The following COL25A1 variants were observed in gnomAD, a reference collection of about 807,000 sequenced individuals.
COL25A1 encodes the protein collagen alpha-1(XXV) chain.
A neutral mutation model predicts 128.4 loss-of-function variants in COL25A1; 103 were observed. That is an observed-to-expected ratio of 0.80 (90% CI 0.68 to 0.94). The LOEUF (loss-of-function observed/expected upper bound fraction) is 0.94. COL25A1 is among the 40% of genes least tolerant of loss of function. COL25A1 has a pLI of 0.00. For synonymous variants in COL25A1, 279 were observed against 277.2 expected (o/e 1.01, Z -0.06); for missense variants, 745 against 840.0 (o/e 0.89, Z 1.40).
intron 3 of COL25A1, among the ~76,000 whole-genome samples, chr4:109,083,448 A>ATTTTTTTTTTTTT (rs60165291): frequency 1.0e-4 from 8 of 77,054 alleles, no homozygotes; most frequent in Non-Finnish European, 1.5e-4. Flanking sequence ...CACTAAATAA[A>ATTTTTTTTTTTTT]TTTTTTTTTT....
chr4:108,980,475 A>G (rs953919388), intron 6 of COL25A1, among the ~76,000 whole-genome samples: 1 of 152,250 alleles, frequency 6.6e-6, no homozygotes, highest in African/African-American at 2.4e-5. Context: ...TGAACACAGC[A>G]GTTCCACAGC....
rs1553944781 is a variant in COL25A1, at chr4:108,832,974, A to AATAAATAAATAAATAAATACATAC, written c.1657-542_1657-541insGTATGTATTTATTTATTTATTTAT. Among the ~76,000 whole-genome samples the AATAAATAAATAAATAAATACATAC allele has an allele frequency of 1.7e-3, 182 of 110,104 alleles. 1 individual carries two copies. The highest frequency in any genetic ancestry group is 4.2e-3 in the Admixed American group (52 of 12,272). The allele number at this position is 110,104 out of a possible 152,430, so 72.2% of individuals were successfully genotyped here. A position where few individuals can be genotyped will look rare whatever the true frequency, so the allele number is the denominator to read the frequency against. ...AGAGCGAGACTCCGTCTCAAAAAAT[A>AATAAATAAATAAATAAATACATAC]ATAAATAAATAAATAAATAAATAAA... On this transcript the variant is annotated intron_variant, in intron 31 of 37. Transcript: ENST00000399132.
chr4:109,258,017 T>C (rs1781187859), intron 3 of COL25A1, among the ~76,000 whole-genome samples: 1 of 152,138 alleles, frequency 6.6e-6, no homozygotes, highest in Non-Finnish European at 1.5e-5. Context: ...TAAGGAGACA[T>C]CTATAAATCA....
chr4:108,894,786 AG>A (rs1405978326), intron 16 of COL25A1, among the ~76,000 whole-genome samples: 1 of 152,226 alleles, frequency 6.6e-6, no homozygotes, highest in Non-Finnish European at 1.5e-5. Flanking sequence ...GAGAGTAATC[AG>A]GGTATATCAT....
chr4:108,905,028 G>C (rs1274533607), intron 13 of COL25A1, among the ~76,000 whole-genome samples: 1 of 152,144 alleles, frequency 6.6e-6, no homozygotes, highest in Non-Finnish European at 1.5e-5. Context: ...AGGATAAAAA[G>C]AAATGCGGTT....
Position 108,812,116 on chromosome 4 carries a change from A to G in COL25A1, c.*1811T>C, listed in dbSNP as rs1248119583. ...GTAACACTTCCACTTAGAATAAGCCATTTCAAAACACGCTACCAACTCTTT... is the reference window on the plus strand; with the variant it reads ...GTAACACTTCCACTTAGAATAAGCCGTTTCAAAACACGCTACCAACTCTTT... On this transcript the variant is annotated 3_prime_UTR_variant, in exon 38 of 38. Transcript: ENST00000399132. 3 of 152,194 alleles carry G rather than the reference A, an allele frequency of 2.0e-5. No homozygotes were observed. Among genetic ancestry groups the G allele is most frequent in the Admixed American group, 1.3e-4 (2 of 15,284 alleles). 9.4% of individuals were successfully genotyped at this position (152,194 alleles called of 1,614,324 possible). A position where few individuals can be genotyped will look rare whatever the true frequency, so the allele number is the denominator to read the frequency against.
chr4:109,171,133 G>GGCA (rs1423597125), intron 3 of COL25A1, among the ~76,000 whole-genome samples: 1 of 151,876 alleles, frequency 6.6e-6, no homozygotes, highest in East Asian at 1.9e-4. Flanking sequence ...AGGTCACATG[G>GGCA]GCAGAACTGG....
At chr4:108,860,713 A>C (rs1036217108) in intron 23 of COL25A1, among the ~76,000 whole-genome samples, 6 of 152,160 alleles carry the variant, frequency 3.9e-5, no homozygotes, top group Non-Finnish European at 5.9e-5. Context: ...CTTCTCAAAG[A>C]AGCTTAGTTT....
At position 108,809,003 on chromosome 4, in the gene COL25A1, C is replaced by A. The variant is rs1385380816; in HGVS notation, c.*4924G>T. The stretch of plus-strand genomic sequence containing the variant: ...ACAGTAATGTCAGCTGGAGAAATTA[C>A]AAGGAAATTAAAATAAAAATTGAAC... On this transcript the variant is annotated 3_prime_UTR_variant, in exon 38 of 38. Transcript: ENST00000399132. The A allele has an allele frequency of 1.3e-5, 2 of 151,944 alleles. No individual in the cohort carries two copies. The highest frequency in any genetic ancestry group is 2.9e-5 in the Non-Finnish European group (2 of 67,968). 9.4% of individuals were successfully genotyped at this position (151,944 alleles called of 1,614,324 possible).
intron 3 of COL25A1, among the ~76,000 whole-genome samples, chr4:109,218,369 T>TTTTTTTTTTTTTTTTTTTTTG (rs1778190900): frequency 7.1e-6 from 1 of 140,842 alleles, no homozygotes; most frequent in Non-Finnish European, 1.5e-5. Context: ...TTTTTTTTTT[T>TTTTTTTTTTTTTTTTTTTTTG]TTTTTTTTTT....
At chr4:108,874,131 A>G (rs1262450156) in intron 19 of COL25A1, among the ~76,000 whole-genome samples, 2 of 152,232 alleles carry the variant, frequency 1.3e-5, no homozygotes, top group Non-Finnish European at 2.9e-5. Flanking sequence ...AGGTCGGGGA[A>G]GAAGGCGGGA....
intron 3 of COL25A1, among the ~76,000 whole-genome samples, chr4:109,269,295 G>C (rs1782019979): frequency 6.6e-6 from 1 of 151,378 alleles, no homozygotes; most frequent in Non-Finnish European, 1.5e-5. Flanking sequence ...GTATTCCATG[G>C]TGTATATATG....
At chr4:109,173,197 C>A (rs1010153087) in intron 3 of COL25A1, among the ~76,000 whole-genome samples, 10 of 151,966 alleles carry the variant, frequency 6.6e-5, no homozygotes, top group Admixed American at 3.3e-4. Context: ...GTGATCCTCC[C>A]CTTTCAGACC....
chr4:109,036,048 C>G (rs1490300896), intron 5 of COL25A1, among the ~76,000 whole-genome samples: 1 of 152,050 alleles, frequency 6.6e-6, no homozygotes, highest in Non-Finnish European at 1.5e-5. Flanking sequence ...CTGCCTCAGT[C>G]TCCTGAGCAG....
intron 5 of COL25A1, among the ~76,000 whole-genome samples, chr4:109,023,546 G>A (rs1454222067): frequency 6.6e-6 from 1 of 152,188 alleles, no homozygotes; most frequent in African/African-American, 2.4e-5. Context: ...ACTTTCCAAC[G>A]AGGAGCTAAT....
At chr4:109,167,161 TTG>T in intron 3 of COL25A1, among the ~76,000 whole-genome samples, 1 of 152,184 alleles carries the variant, frequency 6.6e-6, no homozygotes, top group East Asian at 1.9e-4. Flanking sequence ...CTATAGGAAT[TTG>T]TATAACATCT....
chr4:108,994,469 A>G lies in COL25A1; in HGVS notation c.438+15889T>C, dbSNP rs528571482. Reference sequence around the variant, plus strand: ...TAAACAAAGTGGCTGGGAAGCACCAAATGGGCAGAGCCCACTGCGGTCAGC... The same window carrying G: ...TAAACAAAGTGGCTGGGAAGCACCAGATGGGCAGAGCCCACTGCGGTCAGC... On this transcript the variant is annotated intron_variant, in intron 6 of 37. Transcript: ENST00000399132. Among the ~76,000 whole-genome samples the G allele has an allele frequency of 3.3e-5, 5 of 152,302 alleles. No homozygotes were observed. In the East Asian group the frequency reaches 7.7e-4, roughly 24 times the overall value.
intron 3 of COL25A1, among the ~76,000 whole-genome samples, chr4:109,211,820 A>G (rs926438372): frequency 6.6e-6 from 1 of 152,048 alleles, no homozygotes; most frequent in Non-Finnish European, 1.5e-5. Flanking sequence ...TCCACCTGCT[A>G]TGGTCTGTTC....
At chr4:109,112,187 A>T (rs1439436219) in intron 3 of COL25A1, among the ~76,000 whole-genome samples, 1 of 152,172 alleles carries the variant, frequency 6.6e-6, no homozygotes, top group African/African-American at 2.4e-5. Flanking sequence ...ATCAATAAAC[A>T]TGGTTAATAA....
Sources: gnomAD v4.1 joint callset for allele counts (sites outside exome capture counted in the v4.1 genomes callset) on GRCh38, gnomAD v4.1.1 for gene constraint, MANE v1.5 for transcripts, NCBI Gene and HGNC (gene_info 2026-07-23, HGNC 2026-07-21) for gene names.